Variants in NCAM2 observed in about 807,000 individuals in gnomAD.
NCAM2 encodes the protein N-CAM-2.
NCAM2 carries 30 observed loss-of-function variants against 98.1 expected under a neutral mutation model. The observed-to-expected ratio is 0.31, with a 90% CI of 0.23 to 0.41. NCAM2 has a LOEUF of 0.41. Among genes scored for constraint, NCAM2 ranks in the 10% least tolerant of loss-of-function variants. The pLI is 1.00. For synonymous variants in NCAM2, 368 were observed against 342.4 expected (o/e 1.07, Z -0.83); for missense variants, 867 against 1,005.8 (o/e 0.86, Z 1.87).
intron 5 of NCAM2, among the ~76,000 whole-genome samples, chr21:21,301,474 C>T (rs574844327): frequency 6.0e-4 from 86 of 143,234 alleles, no homozygotes; most frequent in African/African-American, 1.8e-3. Flanking sequence ...CATGCTGGTG[C>T]GCTGCACCCA....
At chr21:21,047,068 G>T (rs7279634) in intron 1 of NCAM2, among the ~76,000 whole-genome samples, 152,260 of 152,260 alleles carry the variant, frequency 1, 76,130 homozygotes, top group Non-Finnish European at 1. Context: ...TGAGAGGGGT[G>T]TGTGACATCA....
intron 1 of NCAM2, among the ~76,000 whole-genome samples, chr21:21,120,573 A>T (rs2146563513): frequency 6.6e-6 from 1 of 152,274 alleles, no homozygotes; most frequent in East Asian, 1.9e-4. Context: ...CTGCTTCGGC[A>T]GAGCCCCTGA....
chr21:21,473,837 A>T (rs1307213284), intron 14 of NCAM2, among the ~76,000 whole-genome samples: 4 of 151,086 alleles, frequency 2.6e-5, no homozygotes, highest in African/African-American at 9.7e-5. Flanking sequence ...GAATGCTGAT[A>T]GTATGACTTC....
chr21:21,331,744 A>G (rs1328935800), intron 6 of NCAM2, among the ~76,000 whole-genome samples: 2 of 142,126 alleles, frequency 1.4e-5, no homozygotes, highest in Non-Finnish European at 3.0e-5. Flanking sequence ...ACGTGCCACC[A>G]CATGGTTAGT....
At chr21:21,245,251 A>G (rs2071219287) in intron 1 of NCAM2, among the ~76,000 whole-genome samples, 2 of 152,176 alleles carry the variant, frequency 1.3e-5, no homozygotes, top group African/African-American at 4.8e-5. Flanking sequence ...ACTTCTCTGT[A>G]TGCTACACTC....
chr21:21,481,196 G>A (rs557599420), intron 15 of NCAM2, among the ~76,000 whole-genome samples: 2 of 152,292 alleles, frequency 1.3e-5, no homozygotes, highest in South Asian at 4.1e-4. Flanking sequence ...GTGATTTCCA[G>A]AGAATATTTC....
intron 1 of NCAM2, among the ~76,000 whole-genome samples, chr21:21,118,517 T>TA (rs1305144202): frequency 6.6e-6 from 1 of 152,112 alleles, no homozygotes; most frequent in East Asian, 1.9e-4. Context: ...GAGAAAGCAG[T>TA]AAGGAAGAAT....
chr21:21,256,345 A>G (rs1392862097), intron 1 of NCAM2, among the ~76,000 whole-genome samples: 1 of 152,130 alleles, frequency 6.6e-6, no homozygotes. Flanking sequence ...AACAAGAGCA[A>G]AAAACTCTGT....
intron 16 of NCAM2, among the ~76,000 whole-genome samples, chr21:21,521,383 A>G (rs1441767561): frequency 6.6e-6 from 1 of 152,168 alleles, no homozygotes; most frequent in East Asian, 1.9e-4. Flanking sequence ...AGCTGTCAGG[A>G]AAAAAATTAC....
intron 1 of NCAM2, among the ~76,000 whole-genome samples, chr21:21,122,884 G>A (rs2066704609): frequency 6.6e-6 from 1 of 152,146 alleles, no homozygotes; most frequent in South Asian, 2.1e-4. Context: ...CAGAGCTGTG[G>A]TGCAAACTAT....
At chr21:21,217,892 G>A (rs996548959) in intron 1 of NCAM2, among the ~76,000 whole-genome samples, 1 of 152,178 alleles carries the variant, frequency 6.6e-6, no homozygotes, top group Non-Finnish European at 1.5e-5. Flanking sequence ...TGGGAAGATG[G>A]CAAGAACACA....
intron 15 of NCAM2, among the ~76,000 whole-genome samples, chr21:21,494,488 G>T (rs1305123001): frequency 6.6e-6 from 1 of 151,098 alleles, no homozygotes; most frequent in Non-Finnish European, 1.5e-5. Flanking sequence ...AATCTTTGAA[G>T]CTGCCTTTTC....
intron 1 of NCAM2, among the ~76,000 whole-genome samples, chr21:21,273,874 A>G (rs189519865): frequency 1.3e-5 from 2 of 152,278 alleles, no homozygotes; most frequent in African/African-American, 4.8e-5. Flanking sequence ...AAGAATCACT[A>G]AGAAGTTTAG....
intron 1 of NCAM2, among the ~76,000 whole-genome samples, chr21:21,134,986 G>C (rs562150299): frequency 8.4e-4 from 128 of 151,742 alleles, no homozygotes; most frequent in African/African-American, 3.1e-3. Flanking sequence ...TGTAATCCCA[G>C]CACTTTGGGA....
intron 1 of NCAM2, among the ~76,000 whole-genome samples, chr21:21,065,008 C>T (rs960116959): frequency 1.6e-4 from 24 of 151,830 alleles, no homozygotes; most frequent in African/African-American, 3.1e-4. Context: ...GGTGAAACCC[C>T]GTCTCTACTA....
chr21:21,191,394 T>C (rs2068817919), intron 1 of NCAM2, among the ~76,000 whole-genome samples: 1 of 152,230 alleles, frequency 6.6e-6, no homozygotes, highest in African/African-American at 2.4e-5. Flanking sequence ...TTCAAGCATG[T>C]AGCAATGATT....
At chr21:21,462,782 A>C (rs1217412197) in intron 12 of NCAM2, among the ~76,000 whole-genome samples, 1 of 152,080 alleles carries the variant, frequency 6.6e-6, no homozygotes, top group Admixed American at 6.6e-5. Flanking sequence ...TTCTATAGAG[A>C]ATTCATTTCT....
chr21:21,331,517 C>CTCTCTCTCTA (rs1483062198), intron 6 of NCAM2, among the ~76,000 whole-genome samples: 1 of 6,938 alleles, frequency 1.4e-4, no homozygotes, highest in African/African-American at 5.5e-4. Flanking sequence ...CTCTCTCTCT[C>CTCTCTCTCTA]TATATATATA....
intron 5 of NCAM2, among the ~76,000 whole-genome samples, chr21:21,294,765 G>C (rs1395382330): frequency 6.6e-6 from 1 of 151,374 alleles, no homozygotes; most frequent in Non-Finnish European, 1.5e-5. Context: ...TTTTACTCCA[G>C]TCTTATTGAC....
Sources: allele counts gnomAD v4.1 joint callset (sites outside exome capture counted in the v4.1 genomes callset), GRCh38; gene constraint gnomAD v4.1.1; transcripts MANE v1.5; gene names NCBI Gene and HGNC (gene_info 2026-07-23, HGNC 2026-07-21).